The following ARFGAP2 variants were observed in gnomAD, a reference collection of about 807,000 sequenced individuals.
ARFGAP2 encodes the protein ADP-ribosylation factor GTPase-activating protein 2.
A neutral mutation model predicts 71.9 loss-of-function variants in ARFGAP2; 45 were observed. The ratio of observed to expected loss-of-function variants is 0.63; its 90% confidence interval spans 0.49 to 0.80. ARFGAP2 has a LOEUF of 0.80. ARFGAP2 is among the 30% of genes least tolerant of loss of function. ARFGAP2 has a pLI of 0.00. For missense variants in ARFGAP2, 633 were observed against 673.9 expected (o/e 0.94, Z 0.67); for synonymous variants, 248 against 249.2 (o/e 1.00, Z 0.05).
intron 7 of ARFGAP2, chr11:47,172,667 A>T (rs1420460929): frequency 7.6e-7 from 1 of 1,318,564 alleles, no homozygotes; most frequent in African/African-American, 1.5e-5. Context: ...TAAAGCAGGA[A>T]GCTGAGAACA....
chr11:47,164,404 A>T lies in ARFGAP2; in HGVS notation c.*1078T>A. ...AAAGAAAGTCAAGTCCCTCTGGGGG[A>T]GGGGCAAGGGGAAGAGTGGTCTGTG... On this transcript the variant is annotated 3_prime_UTR_variant, in exon 16 of 16. Transcript: ENST00000524782. 1.2e-6 allele frequency: 1 copy of T among 866,990 alleles called. No homozygotes were observed. Among genetic ancestry groups the T allele is most frequent in the Non-Finnish European group, 1.7e-6 (1 of 599,542 alleles). 53.7% of individuals were successfully genotyped at this position (866,990 alleles called of 1,614,324 possible). A position where few individuals can be genotyped will look rare whatever the true frequency, so the allele number is the denominator to read the frequency against.
chr11:47,176,240 A>T (rs1706687384), intron 2 of ARFGAP2: 1 of 586,654 alleles, frequency 1.7e-6, no homozygotes. Context: ...CAGCAACAAC[A>T]AGGTCAATGC....
In ARFGAP2 at chr11:47,171,803, G is replaced by T. The variant is rs781057843; in HGVS notation, c.673-3C>A. 6.2e-7 allele frequency: 1 copy of T among 1,613,406 alleles called. No homozygotes were observed. The highest frequency in any genetic ancestry group is 2.2e-5 in the East Asian group (1 of 44,884). ...CCTAGGCCTTTCTTGGCACCCAGCT[G>T]GGAACAGAATCATGTAAGGGGCCTT... On this transcript the variant is annotated splice_region_variant and splice_polypyrimidine_tract_variant and intron_variant, in intron 8 of 15. Coordinates refer to ENST00000524782, the MANE Select transcript of ARFGAP2 (RefSeq NM_032389.6).
intron 12 of ARFGAP2, among the ~76,000 whole-genome samples, chr11:47,167,566 G>C (rs72901643): frequency 6.6e-6 from 1 of 152,306 alleles, no homozygotes; most frequent in Non-Finnish European, 1.5e-5. Flanking sequence ...CCTCCGGCCA[G>C]AGAAATGGAC....
chr11:47,167,871 A>C, intron 12 of ARFGAP2, 38 bp downstream of exon 12: 1 of 1,523,174 alleles, frequency 6.6e-7, no homozygotes, highest in Non-Finnish European at 8.8e-7. Context: ...TGTTTAAAAA[A>C]AAAAAAGAAA....
chr11:47,176,801 C>G lies in ARFGAP2; in HGVS notation c.53G>C (p.Arg18Pro). 1 of 1,614,108 alleles carries G rather than the reference C, an allele frequency of 6.2e-7. No individual in the cohort carries two copies. The highest frequency in any genetic ancestry group is 8.5e-7 in the Non-Finnish European group (1 of 1,180,028). ...TEIQTLFKRL[R>P]AVPTNKACFD... ...ACGCACCTTGTTGGTTGGAACTGCG[C>G]GAAGCCTCTTAAAAAGAGTCTGGAT... The change falls in exon 1 of 16, where the codon CGC (arginine) becomes CCC (proline). Residue 18 changes from arginine (R) to proline (P), a missense_variant. Arg to Pro is a moderately radical substitution (Grantham distance 103, BLOSUM62 -2). Coordinates refer to ENST00000524782, the MANE Select transcript of ARFGAP2 (RefSeq NM_032389.6).
intron 3 of ARFGAP2, 73 bp downstream of exon 3, chr11:47,175,778 C>T (rs1201566516): frequency 6.4e-7 from 1 of 1,560,458 alleles, no homozygotes; most frequent in African/African-American, 1.4e-5. Context: ...AACGACAGGG[C>T]CTCTTAGGGA....
At position 47,166,352 on chromosome 11, in the gene ARFGAP2, C is replaced by T. The variant is rs750274746; in HGVS notation, c.1461G>A (p.Ala487=). Residue 487 remains alanine, a synonymous_variant, in exon 15 of 16, where the codon GCG becomes GCA. Coordinates refer to ENST00000524782, the MANE Select transcript of ARFGAP2 (RefSeq NM_032389.6). ...CACCCTGCTTAAACTGGGCAATGTCCGCTGTAGGCAGCACGTTCCCCAGAG... is the reference window on the plus strand; with the variant it reads ...CACCCTGCTTAAACTGGGCAATGTCTGCTGTAGGCAGCACGTTCCCCAGAG... ...SVSLGNVLPT[A]DIAQFKQGVK... is the part of the protein sequence containing the mutation. 46 of 1,614,224 alleles carry T rather than the reference C, an allele frequency of 2.8e-5. No individual in the cohort carries two copies. In the South Asian group the frequency reaches 4.2e-4, roughly 15 times the overall value.
Position 47,165,520 on chromosome 11 carries a change from G to GAAAA in ARFGAP2, c.1546-22_1546-19dup. The GAAAA allele has an allele frequency of 2.1e-6, 3 of 1,404,140 alleles. No individual in the cohort carries two copies. Among genetic ancestry groups the GAAAA allele is most frequent in the Non-Finnish European group, 1.9e-6 (2 of 1,054,198 alleles). The allele number at this position is 1,404,140 out of a possible 1,614,324, so 87.0% of individuals were successfully genotyped here. The stretch of plus-strand genomic sequence containing the variant: ...TAGCGATCCTGGGGGCGAGGGGGGA[G>GAAAA]AAAAAAAAAAAAAAAGTCAGAGGCT... On this transcript the variant is annotated intron_variant, in intron 15 of 15. Transcript: ENST00000524782.
chr11:47,164,352 C>A lies in ARFGAP2; in HGVS notation c.*1130G>T. ...CCCTGCAGGGGCTTTATTTTGACAC[C>A]ACTTTGTTTCAATACAAACAGTCCA... On this transcript the variant is annotated 3_prime_UTR_variant, in exon 16 of 16. Coordinates refer to ENST00000524782, the MANE Select transcript of ARFGAP2 (RefSeq NM_032389.6). 1 of 1,272,890 alleles carries A rather than the reference C, an allele frequency of 7.9e-7. No homozygotes were observed. The highest frequency in any genetic ancestry group is 1.1e-6 in the Non-Finnish European group (1 of 941,146). 78.8% of individuals were successfully genotyped at this position (1,272,890 alleles called of 1,614,324 possible).
At chr11:47,174,873 C>G in intron 5 of ARFGAP2, 142 bp downstream of exon 5, 1 of 860,442 alleles carries the variant, frequency 1.2e-6, no homozygotes, top group South Asian at 1.6e-5. Context: ...GCCTACCCAG[C>G]AGGAACAGTG....
intron 7 of ARFGAP2, 105 bp downstream of exon 7, chr11:47,173,321 C>T: frequency 7.7e-7 from 1 of 1,291,946 alleles, no homozygotes; most frequent in Non-Finnish European, 1.1e-6. Context: ...GATGCTCAGT[C>T]TCCTGTGGCC....
Position 47,170,707 on chromosome 11 carries a change from T to C in ARFGAP2, c.941+719A>G, listed in dbSNP as rs754235613. Among the ~76,000 whole-genome samples the C allele has an allele frequency of 3.1e-4, 47 of 152,142 alleles. 1 individual carries two copies. Among genetic ancestry groups the C allele is most frequent in the Admixed American group, 1.3e-4 (2 of 15,266 alleles). On this transcript the variant is annotated intron_variant, in intron 10 of 15. Transcript: ENST00000524782. ...TGGTGGCTCACATCTGTAATCCCAG[T>C]ACTTTGTGAAGCCAAGGTACTTAAA...
intron 10 of ARFGAP2, 130 bp from the exon 11 acceptor site, chr11:47,168,381 C>A: frequency 2.3e-6 from 3 of 1,308,832 alleles, no homozygotes; most frequent in Non-Finnish European, 3.1e-6. Context: ...CTTACCCAAG[C>A]ACAGGGCTGG....
chr11:47,176,527 CAGAT>C lies in ARFGAP2; in HGVS notation c.176_179del (p.His59ArgfsTer18). ...CGCGGAGAGCCTACCTGATGAAGCT[CAGAT>C]GGACGCCCAGGGAGCGGTGCACCCC... On this transcript the variant is annotated frameshift_variant, in exon 2 of 16. Coordinates refer to ENST00000524782, the MANE Select transcript of ARFGAP2 (RefSeq NM_032389.6). LOFTEE classifies it high-confidence loss of function. 6.2e-7 allele frequency: 1 copy of C among 1,613,602 alleles called. No homozygotes were observed. Among genetic ancestry groups the C allele is most frequent in the Non-Finnish European group, 8.5e-7 (1 of 1,180,012 alleles).
chr11:47,176,351 G>C, intron 2 of ARFGAP2, 165 bp downstream of exon 2: 12 of 679,836 alleles, frequency 1.8e-5, no homozygotes, highest in Non-Finnish European at 3.0e-5. Context: ...TGTGCCAAAG[G>C]GCCCACACAG....
At position 47,166,395 on chromosome 11, in the gene ARFGAP2, C is replaced by T; in HGVS notation, c.1427-9G>A. 1 of 1,613,732 alleles carries T rather than the reference C, an allele frequency of 6.2e-7. No homozygotes were observed. Among genetic ancestry groups the T allele is most frequent in the Non-Finnish European group, 8.5e-7 (1 of 1,179,714 alleles). On this transcript the variant is annotated splice_polypyrimidine_tract_variant and intron_variant, in intron 14 of 15. Coordinates refer to ENST00000524782, the MANE Select transcript of ARFGAP2 (RefSeq NM_032389.6). The stretch of plus-strand genomic sequence containing the variant: ...CCCCAGAGATACACTTCCTGTAAAA[C>T]AAGAGCAGGGTGACCCAGAGCCCAG...
intron 10 of ARFGAP2, among the ~76,000 whole-genome samples, chr11:47,170,757 A>T (rs1775302354): frequency 1.3e-5 from 2 of 152,200 alleles, no homozygotes; most frequent in Admixed American, 6.5e-5. Flanking sequence ...ACCAGGCTGG[A>T]CAACATAGCA....
chr11:47,171,755 T>G lies in ARFGAP2; in HGVS notation c.718A>C (p.Ser240Arg). ...GLGAQKVSSQ[S>R]FSEIERQAQV... is the part of the protein sequence containing the mutation. ...GCCTGCCGCTCAATCTCACTGAAGC[T>G]CTGGCTGCTCACCTTCTGGGCCCCT... The change falls in exon 9 of 16, where the codon AGC (serine) becomes CGC (arginine). Residue 240 changes from serine (S) to arginine (R), a missense_variant. Physicochemically the swap from Ser to Arg is moderately radical, Grantham distance 110 (BLOSUM62 -1). Coordinates refer to ENST00000524782, the MANE Select transcript of ARFGAP2 (RefSeq NM_032389.6). The G allele has an allele frequency of 6.2e-7, 1 of 1,614,032 alleles. No individual in the cohort carries two copies. The highest frequency in any genetic ancestry group is 8.5e-7 in the Non-Finnish European group (1 of 1,180,040).
Sources: allele counts gnomAD v4.1 joint callset (sites outside exome capture counted in the v4.1 genomes callset), GRCh38; gene constraint gnomAD v4.1.1; transcripts MANE v1.5; gene names NCBI Gene and HGNC (gene_info 2026-07-23, HGNC 2026-07-21).